Variants in PPM1D observed in about 807,000 individuals in gnomAD.
PPM1D encodes protein phosphatase 1D.
PPM1D carries 52 observed loss-of-function variants against 58.3 expected under a neutral mutation model. The ratio of observed to expected loss-of-function variants is 0.89; its 90% CI spans 0.71 to 1.12. The LOEUF is 1.12. Ranked by LOEUF, PPM1D falls within the 50% of genes most tolerant of loss-of-function variation. The probability of loss-of-function intolerance (pLI) is 0.00; values close to 1 mark genes in which losing one functional copy is unlikely to be tolerated. For missense variants in PPM1D, 564 were observed against 777.2 expected, an observed-to-expected ratio of 0.73 and a Z score of 3.26; for synonymous variants, 278 against 285.1, an observed-to-expected ratio of 0.98 and a Z score of 0.25.
intron 4 of PPM1D, among the ~76,000 whole-genome samples, chr17:60,654,920 T>A (rs1309867161): frequency 6.6e-6 from 1 of 151,886 alleles, no homozygotes. Flanking sequence ...ACATGTAGGC[T>A]TATTTCCTGG....
intron 2 of PPM1D, among the ~76,000 whole-genome samples, chr17:60,630,593 T>G (rs552813887): frequency 1.4e-4 from 21 of 152,338 alleles, no homozygotes; most frequent in African/African-American, 4.6e-4. Flanking sequence ...TTTAATCATA[T>G]AGGACAACAA....
chr17:60,628,091 A>C (rs753798319), intron 2 of PPM1D, among the ~76,000 whole-genome samples: 3 of 151,070 alleles, frequency 2.0e-5, no homozygotes, highest in African/African-American at 4.9e-5. Context: ...CAGGCGATCC[A>C]CCTGCCTTGG....
At chr17:60,654,748 A>G (rs2031403555) in intron 4 of PPM1D, among the ~76,000 whole-genome samples, 1 of 151,628 alleles carries the variant, frequency 6.6e-6, no homozygotes, top group Non-Finnish European at 1.5e-5. Context: ...GGTGCCTGTA[A>G]TCCCAGCTAC....
At chr17:60,641,836 G>T (rs1458135090) in intron 3 of PPM1D, among the ~76,000 whole-genome samples, 1 of 152,186 alleles carries the variant, frequency 6.6e-6, no homozygotes, top group Non-Finnish European at 1.5e-5. Flanking sequence ...AATTTGATAG[G>T]TGTAAGGACC....
chr17:60,646,143 T>C (rs2031247354), intron 3 of PPM1D, among the ~76,000 whole-genome samples: 1 of 152,186 alleles, frequency 6.6e-6, no homozygotes, highest in Non-Finnish European at 1.5e-5. Context: ...ACCAGGGAGC[T>C]TTGTTTTGCT....
At chr17:60,641,894 C>A (rs2031140067) in intron 3 of PPM1D, among the ~76,000 whole-genome samples, 1 of 152,174 alleles carries the variant, frequency 6.6e-6, no homozygotes, top group South Asian at 2.1e-4. Context: ...CAGGAGCAAG[C>A]AGAAAATATA....
intron 3 of PPM1D, among the ~76,000 whole-genome samples, chr17:60,644,922 G>A (rs563754905): frequency 2.6e-4 from 40 of 152,188 alleles, no homozygotes; most frequent in Admixed American, 7.9e-4. Flanking sequence ...ATTTATATGC[G>A]TGAAACTACA....
intron 4 of PPM1D, among the ~76,000 whole-genome samples, chr17:60,650,277 G>A (rs1375452030): frequency 3.9e-5 from 6 of 152,290 alleles, no homozygotes; most frequent in East Asian, 3.9e-4. Flanking sequence ...TAGGCCGGGC[G>A]CAGTGGCTCA....
rs113629171 is a variant in PPM1D, at chr17:60,643,293, A to G, written c.827-4599A>G. Among the ~76,000 whole-genome samples the G allele has an allele frequency of 2.8e-3, 431 of 152,138 alleles. 1 individual carries two copies. The highest frequency in any genetic ancestry group is 9.8e-3 in the African/African-American group (406 of 41,526). ...AGCTACTTGGAAGGCAGGTGAGAGAACTGCTTGAGCCTGGGAGGCGCAGGT... is the reference window on the plus strand; with the variant it reads ...AGCTACTTGGAAGGCAGGTGAGAGAGCTGCTTGAGCCTGGGAGGCGCAGGT... On this transcript the variant is annotated intron_variant, in intron 3 of 5. Coordinates refer to ENST00000305921, the MANE Select transcript of PPM1D (RefSeq NM_003620.4).
chr17:60,626,277 A>G (rs948434140), intron 2 of PPM1D, among the ~76,000 whole-genome samples: 3 of 152,156 alleles, frequency 2.0e-5, no homozygotes, highest in African/African-American at 4.8e-5. Context: ...GGTTGTACCA[A>G]TTTACACTTC....
chr17:60,665,538 ATTC>A lies in PPM1D; in HGVS notation c.*1988_*1990del, dbSNP rs1417598686. 6.6e-6 allele frequency: 1 copy of A among 152,178 alleles called. No homozygotes were observed. Among genetic ancestry groups the A allele is most frequent in the African/African-American group, 2.4e-5 (1 of 41,452 alleles). The allele number at this position is 152,178 out of a possible 1,614,324, so 9.4% of individuals were successfully genotyped here. A position where few individuals can be genotyped will look rare whatever the true frequency, so the allele number is the denominator to read the frequency against. On this transcript the variant is annotated 3_prime_UTR_variant, in exon 6 of 6. Transcript: ENST00000305921. Reference sequence around the variant, plus strand: ...TGCCATTATTTAACCATGTCCACACATTCTGGTTATTTTCAATATTTTGCAGAA... The same window carrying A: ...TGCCATTATTTAACCATGTCCACACATGGTTATTTTCAATATTTTGCAGAA...
At chr17:60,600,955 C>T (rs965091844) in intron 1 of PPM1D, 69 bp downstream of exon 1, 125 of 1,594,682 alleles carry the variant, frequency 7.8e-5, no homozygotes, top group Non-Finnish European at 1.0e-4. Flanking sequence ...GGCACCAGCC[C>T]CGCGTGGGCC....
intron 1 of PPM1D, among the ~76,000 whole-genome samples, chr17:60,604,928 C>T (rs767325601): frequency 2.6e-5 from 4 of 152,196 alleles, no homozygotes; most frequent in South Asian, 2.1e-4. Context: ...AAGCGATTCT[C>T]GTGCCTCAGC....
At chr17:60,613,932 C>A (rs1186999916) in intron 1 of PPM1D, among the ~76,000 whole-genome samples, 1 of 151,004 alleles carries the variant, frequency 6.6e-6, no homozygotes, top group East Asian at 2.0e-4. Context: ...GCCCAAGCCT[C>A]CCCGATGAGC....
At chr17:60,618,621 C>T (rs948407374) in intron 1 of PPM1D, among the ~76,000 whole-genome samples, 2 of 152,152 alleles carry the variant, frequency 1.3e-5, no homozygotes, top group Non-Finnish European at 2.9e-5. Context: ...GCTTTTTGTC[C>T]ATTCTCCCAT....
At position 60,663,534 on chromosome 17, in the gene PPM1D, A is replaced by G; in HGVS notation, c.1800A>G (p.Lys600=). 6.2e-7 allele frequency: 1 copy of G among 1,608,834 alleles called. No homozygotes were observed. The highest frequency in any genetic ancestry group is 8.5e-7 in the Non-Finnish European group (1 of 1,179,514). Residue 600 remains lysine, a synonymous_variant, in exon 6 of 6, where the codon AAA becomes AAG. Coordinates refer to ENST00000305921, the MANE Select transcript of PPM1D (RefSeq NM_003620.4). ...ATCCTTTACTTCATCAACACAGGAA[A>G]ACTGTTTGTGTTTGCTGAAATGCAT... The part of the protein sequence containing the change: ...IGNPLLHQHR[K]TVCVC
At position 60,663,184 on chromosome 17, in the gene PPM1D, T is replaced by TG. The variant is rs2031558342; in HGVS notation, c.1450_1451insG (p.Leu484CysfsTer5). The stretch of plus-strand genomic sequence containing the variant: ...AGAAAATTGCGCTAAAGCCCTGACT[T>TG]TAAGGATACATGATTCTTTGAATAA... On this transcript the variant is annotated frameshift_variant, in exon 6 of 6. Coordinates refer to ENST00000305921, the MANE Select transcript of PPM1D (RefSeq NM_003620.4). LOFTEE classifies it high-confidence loss of function. 1 of 1,614,020 alleles carries TG rather than the reference T, an allele frequency of 6.2e-7. No individual in the cohort carries two copies. Among genetic ancestry groups the TG allele is most frequent in the Non-Finnish European group, 8.5e-7 (1 of 1,179,988 alleles).
Position 60,614,264 on chromosome 17 carries a change from T to C in PPM1D, c.473-9257T>C, listed in dbSNP as rs150495782. 2.5e-4 allele frequency among the ~76,000 whole-genome samples: 38 copies of C among 152,290 alleles called. 1 individual carries two copies. In the East Asian group the frequency reaches 7.2e-3, roughly 29 times the overall value. On this transcript the variant is annotated intron_variant, in intron 1 of 5. Coordinates refer to ENST00000305921, the MANE Select transcript of PPM1D (RefSeq NM_003620.4). ...CAATCAGCACTCTGTATCTAGCTAA[T>C]CTGGTGGGGACTTGGAGAATCTTTA... is the stretch of plus-strand genomic sequence containing the variant.
intron 1 of PPM1D, among the ~76,000 whole-genome samples, chr17:60,614,962 C>T (rs1054509068): frequency 6.6e-6 from 1 of 152,176 alleles, no homozygotes; most frequent in Non-Finnish European, 1.5e-5. Context: ...AGACCAAGAA[C>T]CCACCAATTC....
Sources: gnomAD v4.1 joint callset for allele counts (sites outside exome capture counted in the v4.1 genomes callset) on GRCh38, gnomAD v4.1.1 for gene constraint, MANE v1.5 for transcripts, NCBI Gene and HGNC (gene_info 2026-07-23, HGNC 2026-07-21) for gene names.